The following PDE12 variants were observed in gnomAD, a reference collection of about 807,000 sequenced individuals.
The protein encoded by PDE12 is phosphodiesterase 12, also known as 2',5'-phosphodiesterase 12.
In PDE12, 26 loss-of-function variants were observed where a neutral mutation model predicts 45.4. That is an observed-to-expected ratio of 0.57 (90% CI 0.42 to 0.79). The LOEUF (loss-of-function observed/expected upper bound fraction) is 0.79, where lower values mean the gene tolerates loss of function less well. PDE12 is among the 30% of genes least tolerant of loss of function. The pLI is 0.00. For synonymous variants in PDE12, 283 were observed against 323.9 expected (o/e 0.87, Z 1.36); for missense variants, 668 against 790.0 (o/e 0.85, Z 1.85).
At chr3:57,609,608 T>C in the PDE12 span, among the ~76,000 whole-genome samples, 9 of 152,120 alleles carry the variant, frequency 5.9e-5, no homozygotes, top group East Asian at 1.5e-3. Context: ...ATAAACACCT[T>C]TATGAAAATA....
the PDE12 span, among the ~76,000 whole-genome samples, chr3:57,611,255 T>C: frequency 6.6e-6 from 1 of 152,150 alleles, no homozygotes; most frequent in Non-Finnish European, 1.5e-5. Flanking sequence ...AAGATTTAAA[T>C]GTTAGACCTA....
the PDE12 span, chr3:57,600,269 T>C: frequency 2.0e-5 from 3 of 152,296 alleles, no homozygotes; most frequent in Non-Finnish European, 4.4e-5. Context: ...AACCAATCTG[T>C]CTGCCTTGGC....
downstream of PDE12, among the ~76,000 whole-genome samples, chr3:57,570,554 T>C (rs1424138373): frequency 1.3e-5 from 2 of 152,110 alleles, no homozygotes; most frequent in Admixed American, 1.3e-4. Flanking sequence ...ATATACATTT[T>C]TTTAAAAGTA....
chr3:57,599,179 CTGAG>C, the PDE12 span, among the ~76,000 whole-genome samples: 1 of 152,072 alleles, frequency 6.6e-6, no homozygotes. Context: ...CAGGAAGACT[CTGAG>C]TGGGGAGGGA....
chr3:57,627,425 T>C, the PDE12 span: 1 of 152,304 alleles, frequency 6.6e-6, no homozygotes, highest in East Asian at 1.9e-4. Context: ...ATTACAGGCG[T>C]GAGCCACCAC....
chr3:57,597,119 G>A, the PDE12 span: 1 of 1,614,126 alleles, frequency 6.2e-7, no homozygotes, highest in Non-Finnish European at 8.5e-7. Flanking sequence ...CGGGAGAAGA[G>A]GGAGGAGATA....
the PDE12 span, among the ~76,000 whole-genome samples, chr3:57,655,470 C>T: frequency 6.6e-6 from 1 of 152,142 alleles, no homozygotes; most frequent in Admixed American, 6.5e-5. Flanking sequence ...TTGAGCATCC[C>T]TAATGTGAAA....
At chr3:57,615,878 T>C in the PDE12 span, among the ~76,000 whole-genome samples, 6 of 151,894 alleles carry the variant, frequency 4.0e-5, no homozygotes, top group Non-Finnish European at 8.8e-5. Context: ...ATCAGTAAAA[T>C]GGATAAGCCT....
chr3:57,569,498 A>G (rs1476820676), downstream of PDE12, among the ~76,000 whole-genome samples: 1 of 151,936 alleles, frequency 6.6e-6, no homozygotes, highest in Non-Finnish European at 1.5e-5. Context: ...GATTACAGGC[A>G]TGCACCACCA....
At chr3:57,585,443 T>A in the PDE12 span, among the ~76,000 whole-genome samples, 1 of 152,052 alleles carries the variant, frequency 6.6e-6, no homozygotes, top group Non-Finnish European at 1.5e-5. Flanking sequence ...ATTTCAACAT[T>A]AAATGTGCCA....
At chr3:57,631,716 CTTTTT>C in the PDE12 span, among the ~76,000 whole-genome samples, 5 of 92,012 alleles carry the variant, frequency 5.4e-5, no homozygotes, top group Non-Finnish European at 1.0e-4. Flanking sequence ...TCTCTGCTCT[CTTTTT>C]TTTTTTTTTT....
chr3:57,627,831 T>C, the PDE12 span: 52 of 167,970 alleles, frequency 3.1e-4, no homozygotes, highest in Admixed American at 2.9e-3. Context: ...GTGAATGTTA[T>C]TTTTATATCC....
chr3:57,620,367 A>C, the PDE12 span, among the ~76,000 whole-genome samples: 1 of 152,112 alleles, frequency 6.6e-6, no homozygotes, highest in Non-Finnish European at 1.5e-5. Flanking sequence ...CCTCAGCAAC[A>C]TGGCAGAATC....
At chr3:57,596,061 T>C in the PDE12 span, among the ~76,000 whole-genome samples, 2 of 152,170 alleles carry the variant, frequency 1.3e-5, no homozygotes, top group Non-Finnish European at 2.9e-5. Flanking sequence ...AGCGTTATTC[T>C]AGTCCATGGA....
chr3:57,558,240 C>G (rs968671630), intron 1 of PDE12, among the ~76,000 whole-genome samples: 10 of 152,016 alleles, frequency 6.6e-5, no homozygotes, highest in African/African-American at 2.4e-4. Flanking sequence ...TTTCATGCAC[C>G]TTATAAGATC....
the PDE12 span, chr3:57,641,770 A>C: frequency 1.3e-6 from 2 of 1,579,064 alleles, no homozygotes; most frequent in East Asian, 2.3e-5. Context: ...AAACAAAACA[A>C]AATAAAAAAG....
downstream of PDE12, among the ~76,000 whole-genome samples, chr3:57,571,049 C>G (rs1033962067): frequency 6.6e-6 from 1 of 151,494 alleles, no homozygotes; most frequent in Non-Finnish European, 1.5e-5. Flanking sequence ...TACTACATTG[C>G]CAAAGCTGAT....
chr3:57,595,731 C>T, the PDE12 span, among the ~76,000 whole-genome samples: 1 of 152,084 alleles, frequency 6.6e-6, no homozygotes, highest in African/African-American at 2.4e-5. Flanking sequence ...GGTGGATCAC[C>T]TGAGGTGAGG....
chr3:57,654,761 A>C, the PDE12 span: 1 of 985,418 alleles, frequency 1.0e-6, no homozygotes, highest in Non-Finnish European at 1.2e-6. Context: ...ACTCAACTGT[A>C]TCTCTGCTAC....
Sources: allele counts gnomAD v4.1 joint callset (sites outside exome capture counted in the v4.1 genomes callset), GRCh38; gene constraint gnomAD v4.1.1; transcripts MANE v1.5; gene names NCBI Gene and HGNC (gene_info 2026-07-23, HGNC 2026-07-21).